The following SVEP1 variants were observed in gnomAD, a reference collection of about 807,000 sequenced individuals.
SVEP1 encodes sushi, von Willebrand factor type A, EGF and pentraxin domain-containing protein 1.
In SVEP1, 164 loss-of-function variants were observed where a neutral mutation model predicts 367.3. The observed-to-expected ratio is 0.45, with a 90% confidence interval of 0.39 to 0.51. The LOEUF is 0.51. SVEP1 is among the 20% of genes least tolerant of loss of function. The pLI is 0.00. For synonymous variants in SVEP1, 1,666 were observed against 1,611.6 expected, an observed-to-expected ratio of 1.03 and a Z score of -0.81; for missense variants, 4,117 against 4,425.3, an observed-to-expected ratio of 0.93 and a Z score of 1.98.
At chr9:110,513,151 T>A (rs780805022) in intron 4 of SVEP1, 46 bp from the exon 5 acceptor site, 62 of 1,539,868 alleles carry the variant, frequency 4.0e-5, no homozygotes, top group Non-Finnish European at 5.0e-5. Context: ...TAGCCTTTTG[T>A]CTATGACATA....
chr9:110,432,023 A>G lies in SVEP1; in HGVS notation c.5245T>C (p.Cys1749Arg). ...VSPSCLDVDECAVGSDCSEHA... is the reference protein window; with the variant it reads ...VSPSCLDVDERAVGSDCSEHA... Reference sequence around the variant, plus strand: ...TCACTACAATCTGATCCAACTGCACACTCATCGACATCTAAAATGAAGACA... The same window carrying G: ...TCACTACAATCTGATCCAACTGCACGCTCATCGACATCTAAAATGAAGACA... Residue 1749 changes from cysteine to arginine, a missense_variant, in exon 32 of 48, where the codon TGT becomes CGT. This residue lies in a region of SVEP1 where 2,174 missense variants were observed against 2,494.3 expected (regional missense o/e 0.87). Coordinates refer to ENST00000374469, the MANE Select transcript of SVEP1 (RefSeq NM_153366.4). The G allele has an allele frequency of 1.2e-6, 2 of 1,600,898 alleles. No homozygotes were observed. The highest frequency in any genetic ancestry group is 1.3e-5 in the African/African-American group (1 of 74,388).
At chr9:110,565,841 G>A (rs982410372) in intron 1 of SVEP1, among the ~76,000 whole-genome samples, 8 of 151,844 alleles carry the variant, frequency 5.3e-5, no homozygotes, top group Admixed American at 3.3e-4. Context: ...AGTGTGTCTT[G>A]CATCTACTAG....
Position 110,457,823 on chromosome 9 carries a change from T to C in SVEP1, c.3577-471A>G, listed in dbSNP as rs1828799585. Among the ~76,000 whole-genome samples the C allele has an allele frequency of 2.0e-5, 3 of 152,222 alleles. No homozygotes were observed. The East Asian group carries it at 5.8e-4, about 29-fold the overall frequency. The stretch of plus-strand genomic sequence containing the variant: ...TGATTTATAGAGTCCTAACAAGTCA[T>C]TATGTTTGGACTAGGCTGTAGGAAG... On this transcript the variant is annotated intron_variant, in intron 20 of 47. Coordinates refer to ENST00000374469, the MANE Select transcript of SVEP1 (RefSeq NM_153366.4).
At chr9:110,504,647 AT>A (rs532343070) in intron 5 of SVEP1, among the ~76,000 whole-genome samples, 21 of 152,096 alleles carry the variant, frequency 1.4e-4, no homozygotes, top group African/African-American at 4.8e-4. Context: ...GGCTTAACAC[AT>A]TGTTATTTGG....
At chr9:110,433,439 C>A (rs1429849535) in intron 30 of SVEP1, among the ~76,000 whole-genome samples, 2 of 147,536 alleles carry the variant, frequency 1.4e-5, no homozygotes, top group African/African-American at 5.0e-5. Context: ...GCAGTCTAGC[C>A]TCCACCTAAC....
chr9:110,468,514 C>G (rs764104873), intron 17 of SVEP1, among the ~76,000 whole-genome samples: 1 of 152,162 alleles, frequency 6.6e-6, no homozygotes, highest in Non-Finnish European at 1.5e-5. Context: ...AGAAATAATT[C>G]TTGGACCTTC....
chr9:110,456,255 A>C (rs1373386215), intron 21 of SVEP1, among the ~76,000 whole-genome samples: 1 of 152,176 alleles, frequency 6.6e-6, no homozygotes, highest in Non-Finnish European at 1.5e-5. Flanking sequence ...TGTACTCCAG[A>C]CCCACTGAAT....
At chr9:110,370,983 A>G (rs10816997) in intron 46 of SVEP1, among the ~76,000 whole-genome samples, 12,492 of 152,272 alleles carry the variant, frequency 0.082, 702 homozygotes, top group Middle Eastern at 0.16. Context: ...TCAGTCATTC[A>G]TTCATAAAAT....
chr9:110,528,440 T>G (rs1829974065), intron 3 of SVEP1, among the ~76,000 whole-genome samples: 1 of 151,824 alleles, frequency 6.6e-6, no homozygotes, highest in Non-Finnish European at 1.5e-5. Context: ...ATATAAGTGT[T>G]CCTTTTCACC....
At position 110,375,387 on chromosome 9, in the gene SVEP1, C is replaced by A; in HGVS notation, c.10581G>T (p.Thr3527=). The change falls in exon 46 of 48, where the codon ACG becomes ACT. Residue 3527 remains threonine (T), a synonymous_variant. Transcript: ENST00000374469. The part of the protein sequence containing the change: ...PYQCDCPPGW[T]GSRCHTAVCQ... Reference sequence around the variant, plus strand: ...GCCTACCTGTATGACAGCGAGACCCCGTCCAGCCAGGCGGGCAGTCACACT... The same window carrying A: ...GCCTACCTGTATGACAGCGAGACCCAGTCCAGCCAGGCGGGCAGTCACACT... 1 of 1,550,540 alleles carries A rather than the reference C, an allele frequency of 6.4e-7. No homozygotes were observed. The highest frequency in any genetic ancestry group is 2.4e-5 in the East Asian group (1 of 40,986).
intron 36 of SVEP1, among the ~76,000 whole-genome samples, chr9:110,411,942 T>G (rs769543646): frequency 6.6e-6 from 1 of 152,194 alleles, no homozygotes; most frequent in Non-Finnish European, 1.5e-5. Flanking sequence ...TTCAGAAACA[T>G]GTATTTAAAT....
intron 40 of SVEP1, among the ~76,000 whole-genome samples, chr9:110,395,645 A>G (rs1399166644): frequency 1.3e-5 from 2 of 151,422 alleles, no homozygotes; most frequent in South Asian, 2.1e-4. Context: ...TCAAAATAAA[A>G]GGATGGAGGA....
chr9:110,494,313 A>T (rs1207504311), intron 8 of SVEP1, among the ~76,000 whole-genome samples: 1 of 152,194 alleles, frequency 6.6e-6, no homozygotes, highest in Non-Finnish European at 1.5e-5. Context: ...CTCTTTCCTC[A>T]AGTCAGTCAG....
At chr9:110,432,093 ATC>A (rs1437663026) in intron 31 of SVEP1, 59 bp from the exon 32 acceptor site, 54 of 1,527,268 alleles carry the variant, frequency 3.5e-5, no homozygotes, top group Non-Finnish European at 4.7e-5. Flanking sequence ...TGTATCAAAC[ATC>A]TGTTTTTACT....
intron 46 of SVEP1, among the ~76,000 whole-genome samples, chr9:110,370,486 C>A (rs1827259784): frequency 6.6e-6 from 1 of 152,104 alleles, no homozygotes; most frequent in African/African-American, 2.4e-5. Flanking sequence ...AGTCAGACGT[C>A]AACTTTTATG....
intron 13 of SVEP1, 21 bp from the exon 14 acceptor site, chr9:110,476,336 G>T (rs777435012): frequency 6.4e-7 from 1 of 1,563,956 alleles, no homozygotes; most frequent in South Asian, 1.1e-5. Flanking sequence ...AAAATGAAGA[G>T]GATAAAGTGT....
intron 41 of SVEP1, 140 bp downstream of exon 41, chr9:110,389,384 C>T: frequency 3.4e-6 from 3 of 876,874 alleles, no homozygotes; most frequent in Non-Finnish European, 5.1e-6. Flanking sequence ...TGAGAAAAAG[C>T]CCATTAAAAG....
At chr9:110,503,846 T>TACGTA (rs1829579593) in intron 5 of SVEP1, among the ~76,000 whole-genome samples, 1 of 152,074 alleles carries the variant, frequency 6.6e-6, no homozygotes, top group Non-Finnish European at 1.5e-5. Flanking sequence ...TCAGTTTATT[T>TACGTA]TTGCTGCTGT....
chr9:110,390,063 A>AG, intron 40 of SVEP1, among the ~76,000 whole-genome samples: 1 of 125,932 alleles, frequency 7.9e-6, no homozygotes, highest in East Asian at 3.7e-4. Context: ...GTATATATAT[A>AG]AGTATATATA....
Sources: gnomAD v4.1 joint callset for allele counts (sites outside exome capture counted in the v4.1 genomes callset) on GRCh38, gnomAD v4.1.1 for gene constraint, gnomAD v4.1.1 regional missense constraint, MANE v1.5 for transcripts, NCBI Gene and HGNC (gene_info 2026-07-23, HGNC 2026-07-21) for gene names.